Variants in TAF4B observed in about 807,000 individuals in gnomAD.
The protein encoded by TAF4B is transcription initiation factor TFIID subunit 4B.
TAF4B carries 38 observed loss-of-function variants against 86.4 expected under a neutral mutation model. That is an observed-to-expected ratio of 0.44 (90% CI 0.34 to 0.58). The LOEUF is 0.58. Among genes scored for constraint, TAF4B ranks in the 20% least tolerant of loss-of-function variants. The pLI is 0.02. For synonymous variants in TAF4B, 388 were observed against 391.2 expected (o/e 0.99, Z 0.10); for missense variants, 988 against 1,027.6 (o/e 0.96, Z 0.53).
intron 14 of TAF4B, among the ~76,000 whole-genome samples, chr18:26,373,027 G>T (rs2057417313): frequency 6.6e-6 from 1 of 151,872 alleles, no homozygotes; most frequent in Non-Finnish European, 1.5e-5. Context: ...CAGAAGGTGA[G>T]CAATGAGTCC....
chr18:26,308,787 G>A (rs1304282745), intron 9 of TAF4B, among the ~76,000 whole-genome samples: 4 of 149,958 alleles, frequency 2.7e-5, no homozygotes, highest in African/African-American at 4.9e-5. Context: ...CAGGGGAATC[G>A]CTGGAACCTG....
chr18:26,275,421 G>A (rs947251443), intron 5 of TAF4B, among the ~76,000 whole-genome samples: 13 of 152,130 alleles, frequency 8.5e-5, no homozygotes, highest in African/African-American at 3.1e-4. Flanking sequence ...CTCCCAAAGC[G>A]TTGGGATTAC....
intron 14 of TAF4B, among the ~76,000 whole-genome samples, chr18:26,377,895 T>A (rs534654665): frequency 2.6e-5 from 4 of 152,340 alleles, no homozygotes; most frequent in South Asian, 2.1e-4. Flanking sequence ...TAGTATTACA[T>A]GTAGCAAATA....
chr18:26,315,533 A>G, intron 10 of TAF4B, 135 bp downstream of exon 10: 1 of 547,396 alleles, frequency 1.8e-6, no homozygotes, highest in Non-Finnish European at 3.0e-6. Flanking sequence ...TCAAGATTTC[A>G]TGGGCATTAC....
intron 13 of TAF4B, among the ~76,000 whole-genome samples, chr18:26,337,424 CTTTT>C (rs551888808): frequency 1.6e-5 from 2 of 126,140 alleles, no homozygotes; most frequent in Non-Finnish European, 1.6e-5. Flanking sequence ...TTCTTTCTTT[CTTTT>C]TTTTTTTTTT....
chr18:26,302,455 A>G (rs866926237), intron 9 of TAF4B, among the ~76,000 whole-genome samples: 41 of 142,178 alleles, frequency 2.9e-4, no homozygotes, highest in Admixed American at 2.7e-3. Flanking sequence ...CCTCACTGCA[A>G]CCTCAAATTC....
chr18:26,284,603 C>T (rs995437711), intron 6 of TAF4B, among the ~76,000 whole-genome samples: 3 of 152,136 alleles, frequency 2.0e-5, no homozygotes, highest in South Asian at 2.1e-4. Flanking sequence ...CTTGGCTGGG[C>T]GTGGTGGCTC....
intron 14 of TAF4B, among the ~76,000 whole-genome samples, chr18:26,374,538 T>C (rs540025449): frequency 6.6e-6 from 1 of 152,340 alleles, no homozygotes; most frequent in South Asian, 2.1e-4. Flanking sequence ...CTATAATAAG[T>C]ATCAGTCAGG....
intron 1 of TAF4B, among the ~76,000 whole-genome samples, chr18:26,238,476 CG>C (rs138907519): frequency 0.074 from 11,317 of 152,172 alleles, 811 homozygotes; most frequent in African/African-American, 0.17. Context: ...ACTCTGCAGT[CG>C]GGCTTTGGGC....
At position 26,256,454 on chromosome 18, in the gene TAF4B, A is replaced by T. The variant is rs189963703; in HGVS notation, c.344-8716A>T. 66 of 672,856 alleles carry T rather than the reference A, an allele frequency of 9.8e-5. No individual in the cohort carries two copies. In the East Asian group the frequency reaches 1.5e-3, roughly 16 times the overall value. The allele number at this position is 672,856 out of a possible 1,614,324, so 41.7% of individuals were successfully genotyped here. A position where few individuals can be genotyped will look rare whatever the true frequency, so the allele number is the denominator to read the frequency against. On this transcript the variant is annotated intron_variant, in intron 1 of 14. Coordinates refer to ENST00000269142, the MANE Select transcript of TAF4B (RefSeq NM_005640.3). ...CACGCCAGGCCAGTCCCCCTCAAGCACTCCCTACTCCAGTTTTGTTGATTT... is the reference window on the plus strand; with the variant it reads ...CACGCCAGGCCAGTCCCCCTCAAGCTCTCCCTACTCCAGTTTTGTTGATTT...
intron 7 of TAF4B, among the ~76,000 whole-genome samples, chr18:26,290,486 C>A (rs1015453184): frequency 1.3e-5 from 2 of 152,108 alleles, no homozygotes; most frequent in Non-Finnish European, 2.9e-5. Context: ...GTAACAAGGG[C>A]GACACCAGTC....
chr18:26,227,324 C>T (rs2055593680), intron 1 of TAF4B, 48 bp downstream of exon 1: 2 of 1,563,886 alleles, frequency 1.3e-6, no homozygotes, highest in Non-Finnish European at 8.7e-7. Context: ...CAGCTGGCGG[C>T]GACGGGAAAA....
At chr18:26,378,742 TTC>T (rs1365942390) in intron 14 of TAF4B, among the ~76,000 whole-genome samples, 1 of 152,182 alleles carries the variant, frequency 6.6e-6, no homozygotes, top group Non-Finnish European at 1.5e-5. Flanking sequence ...CTGATCTAAT[TTC>T]TGTTACCATA....
At chr18:26,328,781 G>A (rs1391693352) in intron 12 of TAF4B, among the ~76,000 whole-genome samples, 5 of 151,840 alleles carry the variant, frequency 3.3e-5, no homozygotes, top group East Asian at 3.9e-4. Context: ...CACCACGCCC[G>A]GCGAATTTTT....
chr18:26,373,292 T>C (rs968054935), intron 14 of TAF4B, among the ~76,000 whole-genome samples: 2 of 152,176 alleles, frequency 1.3e-5, no homozygotes, highest in African/African-American at 2.4e-5. Flanking sequence ...CTCTTAGTTT[T>C]AGTGTGTGGA....
chr18:26,343,517 G>A (rs2057152525), intron 13 of TAF4B, among the ~76,000 whole-genome samples: 2 of 152,222 alleles, frequency 1.3e-5, no homozygotes, highest in Non-Finnish European at 2.9e-5. Flanking sequence ...TGTAGCCACA[G>A]ATCACAGAAG....
rs780332387 is a variant in TAF4B at position 26,321,149 on chromosome 18, C to A, written c.2082C>A (p.Gly694=). The A allele has an allele frequency of 3.1e-6, 5 of 1,613,802 alleles. No homozygotes were observed. The highest frequency in any genetic ancestry group is 4.2e-6 in the Non-Finnish European group (5 of 1,179,810). ...ISQATQERLR[G]LLEKLTAIAQ... ...AAGCAACACAGGAACGACTACGAGG[C>A]CTTCTAGAAAAACTGACTGCAATTG... The change falls in exon 11 of 15, where the codon GGC becomes GGA. Residue 694 remains glycine, a synonymous_variant. Coordinates refer to ENST00000269142, the MANE Select transcript of TAF4B (RefSeq NM_005640.3).
In TAF4B at chr18:26,327,016, C is replaced by T; in HGVS notation, c.2135C>T (p.Ala712Val). ...IAQHRMTTYK[A>V]SENYILCSDT... is the part of the protein sequence containing the mutation. ...TTTCTGTTTTCTTTTTTTTCCCAGG[C>T]AAGTGAAAATTACATCCTGTGTAGT... is the stretch of plus-strand genomic sequence containing the variant. The change falls in exon 12 of 15, where the codon GCA (alanine) becomes GTA (valine). Residue 712 changes from alanine to valine, a missense_variant and splice_region_variant. Transcript: ENST00000269142. The T allele has an allele frequency of 2.5e-6, 4 of 1,610,202 alleles. No individual in the cohort carries two copies. The highest frequency in any genetic ancestry group is 1.1e-5 in the South Asian group (1 of 90,766).
At chr18:26,358,590 G>A (rs1185540942) in intron 14 of TAF4B, among the ~76,000 whole-genome samples, 1 of 152,112 alleles carries the variant, frequency 6.6e-6, no homozygotes, top group African/African-American at 2.4e-5. Flanking sequence ...GGCACCTGTA[G>A]TCCCAGCTAC....
Sources: gnomAD v4.1 joint callset for allele counts (sites outside exome capture counted in the v4.1 genomes callset) on GRCh38, gnomAD v4.1.1 for gene constraint, MANE v1.5 for transcripts, NCBI Gene and HGNC (gene_info 2026-07-23, HGNC 2026-07-21) for gene names.